SLC9A4: variants seen among roughly 807,000 people sequenced by gnomAD.
SLC9A4 encodes solute carrier family 9 member A4.
SLC9A4 carries 63 observed loss-of-function variants against 67.4 expected under a neutral mutation model. The observed-to-expected ratio is 0.93, with a 90% CI of 0.76 to 1.15. The LOEUF (loss-of-function observed/expected upper bound fraction) is 1.15, where lower values mean the gene tolerates loss of function less well. Among genes scored for constraint, SLC9A4 ranks in the 50% most tolerant of loss-of-function variants. The pLI, the probability that SLC9A4 is intolerant of heterozygous loss-of-function variation, is 0.00. For synonymous variants in SLC9A4, 393 were observed against 367.2 expected (o/e 1.07, Z -0.80); for missense variants, 1,089 against 987.7 (o/e 1.10, Z -1.38).
intron 8 of SLC9A4, among the ~76,000 whole-genome samples, chr2:102,515,220 G>A (rs1476999): frequency 0.5 from 75,651 of 151,240 alleles, 19,943 homozygotes; most frequent in Admixed American, 0.59. Context: ...AAGGAAGTTG[G>A]AAGAAGAGCT....
At chr2:102,510,231 G>GATACAGATACAGATACA (rs1685134748) in intron 6 of SLC9A4, among the ~76,000 whole-genome samples, 1 of 137,020 alleles carries the variant, frequency 7.3e-6, no homozygotes, top group African/African-American at 2.8e-5. Flanking sequence ...ATACGGATAC[G>GATACAGATACAGATACA]GATACAGATA....
intron 2 of SLC9A4, among the ~76,000 whole-genome samples, chr2:102,488,772 C>T (rs923840815): frequency 6.6e-6 from 1 of 152,146 alleles, no homozygotes; most frequent in African/African-American, 2.4e-5. Context: ...TGGTCTCGAT[C>T]TCCTGACCTT....
At chr2:102,507,685 G>T (rs1304508477) in intron 4 of SLC9A4, among the ~76,000 whole-genome samples, 1 of 152,120 alleles carries the variant, frequency 6.6e-6, no homozygotes, top group Non-Finnish European at 1.5e-5. Flanking sequence ...AATATGAGAT[G>T]ATAAGAATGC....
At chr2:102,485,322 C>T (rs1311131936) in intron 2 of SLC9A4, among the ~76,000 whole-genome samples, 5 of 152,232 alleles carry the variant, frequency 3.3e-5, no homozygotes, top group African/African-American at 1.2e-4. Flanking sequence ...CACTGCTTTG[C>T]CCAGCCAGCA....
At chr2:102,486,163 G>A (rs1684584818) in intron 2 of SLC9A4, among the ~76,000 whole-genome samples, 2 of 152,190 alleles carry the variant, frequency 1.3e-5, no homozygotes, top group Admixed American at 1.3e-4. Context: ...GAAGCCATAT[G>A]CTTCATTGCA....
chr2:102,519,812 G>T (rs1685361555), intron 8 of SLC9A4, 47 bp from the exon 9 acceptor site: 13 of 1,593,032 alleles, frequency 8.2e-6, no homozygotes, highest in Non-Finnish European at 1.1e-5. Context: ...GGCACCTCTT[G>T]CCAAATGAAA....
intron 2 of SLC9A4, among the ~76,000 whole-genome samples, chr2:102,499,186 T>C (rs1158183062): frequency 2.0e-5 from 3 of 152,070 alleles, no homozygotes; most frequent in Admixed American, 6.5e-5. Context: ...AGGCCTTAGC[T>C]GAGAATGGCA....
At chr2:102,495,964 C>T (rs193047831) in intron 2 of SLC9A4, among the ~76,000 whole-genome samples, 1 of 151,986 alleles carries the variant, frequency 6.6e-6, no homozygotes, top group Non-Finnish European at 1.5e-5. Context: ...GACTTTTTGA[C>T]CTTGGAGTAG....
chr2:102,474,340 G>A (rs1344301685), intron 1 of SLC9A4, among the ~76,000 whole-genome samples: 3 of 152,132 alleles, frequency 2.0e-5, no homozygotes, highest in South Asian at 2.1e-4. Context: ...AATAAAGCAC[G>A]TAGACCTGGG....
In SLC9A4 at chr2:102,505,396, G is replaced by A. The variant is rs1685030459; in HGVS notation, c.1123G>A (p.Val375Met). 1 of 1,614,114 alleles carries A rather than the reference G, an allele frequency of 6.2e-7. No homozygotes were observed. Among genetic ancestry groups the A allele is most frequent in the African/African-American group, 1.3e-5 (1 of 74,940 alleles). ...LIFIFMGVST[V>M]GKNHEWNWAF... Reference sequence around the variant, plus strand: ...CTTCATCTTCATGGGTGTGTCCACTGTGGGCAAGAATCACGAGTGGAACTG... The same window carrying A: ...CTTCATCTTCATGGGTGTGTCCACTATGGGCAAGAATCACGAGTGGAACTG... The change falls in exon 4 of 12, where the codon GTG becomes ATG. Residue 375 changes from valine to methionine, a missense_variant. Transcript: ENST00000295269.
chr2:102,477,885 A>G (rs1684366651), intron 1 of SLC9A4, among the ~76,000 whole-genome samples: 1 of 152,154 alleles, frequency 6.6e-6, no homozygotes, highest in African/African-American at 2.4e-5. Flanking sequence ...GTTTGTTGAT[A>G]TGTTCAATAT....
intron 6 of SLC9A4, 109 bp from the exon 7 acceptor site, chr2:102,512,094 G>A: frequency 9.1e-7 from 1 of 1,095,184 alleles, no homozygotes; most frequent in Non-Finnish European, 1.4e-6. Context: ...AGTCAGATAG[G>A]CTCCAGAAAA....
Position 102,503,430 on chromosome 2 carries a change from A to C in SLC9A4, c.721-18A>C. 1.3e-6 allele frequency: 2 copies of C among 1,556,628 alleles called. No homozygotes were observed. Among genetic ancestry groups the C allele is most frequent in the East Asian group, 4.5e-5 (2 of 44,000 alleles). ...TTCTATTCATAATTCATATTTGTTTACTCTCTTTTTTGCCTAGGTCTTATA... is the reference window on the plus strand; with the variant it reads ...TTCTATTCATAATTCATATTTGTTTCCTCTCTTTTTTGCCTAGGTCTTATA... On this transcript the variant is annotated intron_variant, in intron 2 of 11. Transcript: ENST00000295269.
chr2:102,474,327 G>A (rs1288420125), intron 1 of SLC9A4, among the ~76,000 whole-genome samples: 2 of 152,104 alleles, frequency 1.3e-5, no homozygotes, highest in East Asian at 1.9e-4. Context: ...TAAAAATATA[G>A]AGAATAAAGC....
chr2:102,493,831 T>C (rs553334689), intron 2 of SLC9A4, among the ~76,000 whole-genome samples: 2 of 151,878 alleles, frequency 1.3e-5, no homozygotes, highest in Non-Finnish European at 2.9e-5. Flanking sequence ...ATCAATTATG[T>C]TTGTGACAGA....
intron 7 of SLC9A4, among the ~76,000 whole-genome samples, chr2:102,513,744 G>A (rs1183634772): frequency 6.6e-6 from 1 of 152,170 alleles, no homozygotes; most frequent in Non-Finnish European, 1.5e-5. Context: ...AAAAGCTTCA[G>A]CCCCCTCATT....
At position 102,478,944 on chromosome 2, in the gene SLC9A4, C is replaced by T. The variant is rs373107542; in HGVS notation, c.362C>T (p.Ser121Leu). Residue 121 changes from serine (S) to leucine (L), a missense_variant, in exon 2 of 12, where the codon TCG (serine) becomes TTG (leucine). Coordinates refer to ENST00000295269, the MANE Select transcript of SLC9A4 (RefSeq NM_001011552.4). Reference protein sequence around the residue: ...GGIIFGTDHKSPPVMDSSIYF... With the variant: ...GGIIFGTDHKLPPVMDSSIYF... ...ATCATCTTCGGCACCGACCACAAATCGCCTCCGGTCATGGACTCCAGCATC... is the reference window on the plus strand; with the variant it reads ...ATCATCTTCGGCACCGACCACAAATTGCCTCCGGTCATGGACTCCAGCATC... The T allele has an allele frequency of 6.2e-7, 1 of 1,613,936 alleles. No homozygotes were observed. Among genetic ancestry groups the T allele is most frequent in the Admixed American group, 1.7e-5 (1 of 59,938 alleles).
In SLC9A4 at chr2:102,532,510, T is replaced by A. The variant is rs1038596858; in HGVS notation, c.2219T>A (p.Val740Glu). The change falls in exon 12 of 12, where the codon GTA (valine) becomes GAA (glutamate). Residue 740 changes from valine (V) to glutamate (E), a missense_variant. Physicochemically the swap from Val to Glu is moderately radical, Grantham distance 121. Coordinates refer to ENST00000295269, the MANE Select transcript of SLC9A4 (RefSeq NM_001011552.4). ...NTSQEEYLGG[V>E]RRVALRPKPL... is the part of the protein sequence containing the mutation. ...AGCCAAGAAGAGTACTTGGGTGGAG[T>A]AAGGAGGGTGGCCTTAAGACCCAAA... 1 of 1,613,888 alleles carries A rather than the reference T, an allele frequency of 6.2e-7. No homozygotes were observed. Among genetic ancestry groups the A allele is most frequent in the Middle Eastern group, 1.6e-4 (1 of 6,062 alleles).
Position 102,514,171 on chromosome 2 carries a change from C to G in SLC9A4, c.1641C>G (p.Tyr547Ter). 6.2e-7 allele frequency: 1 copy of G among 1,614,050 alleles called. No homozygotes were observed. The stretch of plus-strand genomic sequence containing the variant: ...CCAAATCAAGCATTGTTTCTTTGTA[C>G]AAGAAGCTGGAAATGAAGCAAGCCA... ...NLPKSSIVSL[Y>*]KKLEMKQAIE... The change falls in exon 8 of 12, where the codon TAC (tyrosine) becomes TAG (stop). Residue 547 changes from tyrosine (Y) to a stop codon, truncating the protein, a stop_gained. Transcript: ENST00000295269. LOFTEE classifies it high-confidence loss of function.
Sources: allele counts gnomAD v4.1 joint callset (sites outside exome capture counted in the v4.1 genomes callset), GRCh38; gene constraint gnomAD v4.1.1; transcripts MANE v1.5; gene names NCBI Gene and HGNC (gene_info 2026-07-23, HGNC 2026-07-21).